The following GREB1 variants were observed in gnomAD, a reference collection of about 807,000 sequenced individuals.
GREB1 encodes the protein growth regulating estrogen receptor binding 1.
In GREB1, 106 loss-of-function variants were observed where a neutral mutation model predicts 200.7. The ratio of observed to expected loss-of-function variants is 0.53; its 90% CI spans 0.45 to 0.62. The LOEUF is 0.62. Ranked by LOEUF, GREB1 falls within the 20% of genes least tolerant of loss-of-function variation. The pLI is 0.00. For synonymous variants in GREB1, 1,132 were observed against 1,092.4 expected (o/e 1.04, Z -0.72); for missense variants, 2,243 against 2,556.8 (o/e 0.88, Z 2.65).
intron 1 of GREB1, among the ~76,000 whole-genome samples, chr2:11,501,580 G>A (rs941660800): frequency 3.3e-5 from 5 of 152,036 alleles, no homozygotes; most frequent in East Asian, 1.9e-4. Flanking sequence ...TTTTAGTAGA[G>A]ACGGCGTTTC....
At chr2:11,496,431 T>C (rs1199851507) in intron 1 of GREB1, among the ~76,000 whole-genome samples, 3 of 152,134 alleles carry the variant, frequency 2.0e-5, no homozygotes, top group East Asian at 1.9e-4. Context: ...TCCCCATTAA[T>C]ATTGTATAAA....
At chr2:11,625,032 C>T (rs1684326286) in intron 23 of GREB1, 122 bp from the exon 24 acceptor site, 1 of 780,962 alleles carries the variant, frequency 1.3e-6, no homozygotes, top group Non-Finnish European at 2.2e-6. Flanking sequence ...GATGTTAGCA[C>T]AGTGACAGAA....
rs1399844017 is a variant in GREB1, at chr2:11,596,440, C to G, written c.1954+201C>G. On this transcript the variant is annotated intron_variant, in intron 13 of 32. Coordinates refer to ENST00000381486, the MANE Select transcript of GREB1 (RefSeq NM_014668.4). ...GAGAGGTGGCAGGGACGCAGGTGTG[C>G]ACAGTGAGGGGGGTGGGGGCACAGG... 6.6e-5 allele frequency among the ~76,000 whole-genome samples: 5 copies of G among 75,914 alleles called. No individual in the cohort carries two copies. The Admixed American group carries it at 7.3e-4, about 11-fold the overall frequency. 49.8% of individuals were successfully genotyped at this position (75,914 alleles called of 152,430 possible).
At chr2:11,507,216 C>G (rs995669080) in intron 1 of GREB1, among the ~76,000 whole-genome samples, 1 of 152,110 alleles carries the variant, frequency 6.6e-6, no homozygotes, top group African/African-American at 2.4e-5. Context: ...TCAGACCAGC[C>G]TGGCCAACGT....
chr2:11,628,033 G>A (rs1028264034), intron 25 of GREB1, among the ~76,000 whole-genome samples: 3 of 152,104 alleles, frequency 2.0e-5, no homozygotes, highest in African/African-American at 4.8e-5. Context: ...CTTTGGGGTG[G>A]GTACACTCAG....
chr2:11,624,262 G>T (rs550731988), intron 23 of GREB1, among the ~76,000 whole-genome samples: 12 of 152,090 alleles, frequency 7.9e-5, no homozygotes, highest in South Asian at 2.1e-4. Context: ...TGCAAGGTGG[G>T]TGCCCGGTAC....
intron 1 of GREB1, among the ~76,000 whole-genome samples, chr2:11,501,757 C>A (rs1193194323): frequency 6.6e-6 from 1 of 152,050 alleles, no homozygotes; most frequent in Non-Finnish European, 1.5e-5. Flanking sequence ...TGTGTCCAAC[C>A]TCAAACACAT....
chr2:11,543,182 A>G (rs1674930702), intron 1 of GREB1, among the ~76,000 whole-genome samples: 1 of 152,306 alleles, frequency 6.6e-6, no homozygotes, highest in South Asian at 2.1e-4. Flanking sequence ...ATAAGAGACT[A>G]AATGATATAT....
At chr2:11,600,327 T>C (rs1681670376) in intron 15 of GREB1, among the ~76,000 whole-genome samples, 1 of 152,168 alleles carries the variant, frequency 6.6e-6, no homozygotes, top group African/African-American at 2.4e-5. Flanking sequence ...TGGGCCTGTC[T>C]CCTAGACCCC....
intron 1 of GREB1, among the ~76,000 whole-genome samples, chr2:11,547,382 A>G (rs1227556465): frequency 2.0e-5 from 3 of 152,172 alleles, no homozygotes. Context: ...GTTTCTTCAT[A>G]TGGGATAAAA....
At chr2:11,531,822 C>T (rs1323907621), upstream of GREB1, among the ~76,000 whole-genome samples, 5 of 152,258 alleles carry the variant, frequency 3.3e-5, no homozygotes, top group African/African-American at 9.6e-5. Context: ...CCACCCGTCT[C>T]GGCCTCCCAA....
intron 31 of GREB1, among the ~76,000 whole-genome samples, chr2:11,638,385 C>A (rs934922835): frequency 5.9e-5 from 9 of 152,176 alleles, no homozygotes; most frequent in Admixed American, 5.9e-4. Flanking sequence ...AGGGGATCCA[C>A]CCGCCTCGGC....
At chr2:11,638,627 T>C (rs748402357) in intron 31 of GREB1, 44 bp from the exon 32 acceptor site, 2 of 1,597,612 alleles carry the variant, frequency 1.3e-6, no homozygotes. Context: ...TTACTGAGCA[T>C]TTCATAGAAA....
intron 15 of GREB1, 88 bp from the exon 16 acceptor site, chr2:11,600,712 G>A: frequency 9.9e-7 from 1 of 1,015,086 alleles, no homozygotes; most frequent in South Asian, 1.3e-5. Flanking sequence ...AAAGTCAGGG[G>A]TTAGTTATAA....
At chr2:11,581,821 G>T (rs116475280) in intron 7 of GREB1, among the ~76,000 whole-genome samples, 1,831 of 152,320 alleles carry the variant, frequency 0.012, 42 homozygotes, top group African/African-American at 0.043. Context: ...AGGTCTCCAT[G>T]CTCCCACTCC....
chr2:11,548,223 C>T lies in GREB1; in HGVS notation c.-161-8231C>T, dbSNP rs1335809839. Among the ~76,000 whole-genome samples the T allele has an allele frequency of 6.6e-6, 1 of 151,858 alleles. No individual in the cohort carries two copies. The highest frequency in any genetic ancestry group is 2.4e-5 in the African/African-American group (1 of 41,356). On this transcript the variant is annotated intron_variant, in intron 1 of 32. Coordinates refer to ENST00000381486, the MANE Select transcript of GREB1 (RefSeq NM_014668.4). This position sits in a 1 kb window ranked among gnomAD's most constrained non-coding sequence, Gnocchi z 5.1. ...ACATTCTCACATGCACACAGCCAGA[C>T]ATGTGCACACATGTGCACATACCCA...
chr2:11,638,781 C>T lies in GREB1; in HGVS notation c.5658C>T (p.Ser1886=), dbSNP rs138273238. The part of the protein sequence containing the change: ...LYLCDSFVGA[S]FLKKFHFLKG... ...TCTGTGACTCTTTTGTGGGAGCTAG[C>T]TTTTTGAAAAAGTTTCATTTTCTGA... The change falls in exon 32 of 33, where the codon AGC becomes AGT. Residue 1886 remains serine (S), a synonymous_variant. Coordinates refer to ENST00000381486, the MANE Select transcript of GREB1 (RefSeq NM_014668.4). 1.9e-3 allele frequency: 3,090 copies of T among 1,613,996 alleles called. 5 individuals carry two copies. The highest frequency in any genetic ancestry group is 2.4e-3 in the Non-Finnish European group (2,773 of 1,179,960).
Position 11,588,090 on chromosome 2 carries a change from G to A in GREB1, c.1160-656G>A, listed in dbSNP as rs1680350307. The stretch of plus-strand genomic sequence containing the variant: ...AAAATACAAAAATTGGCCGGGTGTG[G>A]TGGTGATGCGCACCTGTCATCCCAG... On this transcript the variant is annotated intron_variant, in intron 9 of 32. Coordinates refer to ENST00000381486, the MANE Select transcript of GREB1 (RefSeq NM_014668.4). The A allele has an allele frequency of 1.7e-5, 7 of 420,840 alleles. No homozygotes were observed. The South Asian group carries it at 5.7e-4, about 34-fold the overall frequency. 26.1% of individuals were successfully genotyped at this position (420,840 alleles called of 1,614,324 possible).
chr2:11,636,785 C>G (rs765695026), intron 30 of GREB1, among the ~76,000 whole-genome samples: 885 of 47,558 alleles, frequency 0.019, no homozygotes, highest in Middle Eastern at 0.029. Context: ...GGCAGGGGCA[C>G]GGGCATGGGC....
Sources: allele counts gnomAD v4.1 joint callset (sites outside exome capture counted in the v4.1 genomes callset), GRCh38; gene constraint gnomAD v4.1.1; non-coding constraint Gnocchi (gnomAD v3.1); transcripts MANE v1.5; gene names NCBI Gene and HGNC (gene_info 2026-07-23, HGNC 2026-07-21).